The following IL1RAPL1 variants were observed in gnomAD, a reference collection of about 807,000 sequenced individuals.
IL1RAPL1 encodes the protein interleukin 1 receptor accessory protein like 1.
IL1RAPL1 carries 3 observed loss-of-function variants against 48.4 expected under a neutral mutation model. The ratio of observed to expected loss-of-function variants is 0.06; its 90% confidence interval spans 0.03 to 0.16. The LOEUF is 0.16. IL1RAPL1 is among the 10% of genes least tolerant of loss of function. The pLI, the probability that IL1RAPL1 is intolerant of heterozygous loss-of-function variation, is 1.00. For missense variants in IL1RAPL1, 349 were observed against 530.6 expected, an observed-to-expected ratio of 0.66 and a Z score of 3.36; for synonymous variants, 185 against 187.7, an observed-to-expected ratio of 0.99 and a Z score of 0.12.
intron 2 of IL1RAPL1, among the ~76,000 whole-genome samples, chrX:28,963,461 T>C (rs1394976952): frequency 1.8e-5 from 2 of 111,226 alleles, no homozygotes; most frequent in African/African-American, 6.5e-5. Flanking sequence ...GTAATTGATA[T>C]CAATAATTAA....
intron 5 of IL1RAPL1, among the ~76,000 whole-genome samples, chrX:29,494,783 T>C (rs1935196464): frequency 1.8e-5 from 2 of 112,389 alleles, no homozygotes; most frequent in Non-Finnish European, 3.8e-5. Flanking sequence ...CTTCTTTCAT[T>C]CTTAGGAAAA....
chrX:29,538,521 A>G (rs924225158), intron 5 of IL1RAPL1, among the ~76,000 whole-genome samples: 18 of 107,880 alleles, frequency 1.7e-4, no homozygotes, highest in African/African-American at 6.1e-4. Flanking sequence ...TATTTTTAGT[A>G]GAGACAGGGT....
intron 2 of IL1RAPL1, among the ~76,000 whole-genome samples, chrX:28,943,415 AATCT>A (rs1033177684): frequency 3.6e-5 from 4 of 110,286 alleles, no homozygotes; most frequent in Non-Finnish European, 7.6e-5. Context: ...ACATAAGAAT[AATCT>A]ATCAGTAATG....
intron 6 of IL1RAPL1, among the ~76,000 whole-genome samples, chrX:29,716,708 G>T (rs1342117282): frequency 2.7e-5 from 3 of 111,461 alleles, no homozygotes; most frequent in African/African-American, 9.8e-5. Context: ...ATTCCAAGTT[G>T]CCCAAGTCAC....
At chrX:29,475,756 G>A (rs1446760679) in intron 5 of IL1RAPL1, among the ~76,000 whole-genome samples, 1 of 111,140 alleles carries the variant, frequency 9.0e-6, no homozygotes, top group Non-Finnish European at 1.9e-5. Context: ...TTAAGACGAA[G>A]CGCTTATTTC....
intron 5 of IL1RAPL1, among the ~76,000 whole-genome samples, chrX:29,653,937 T>C (rs892895439): frequency 9.4e-5 from 10 of 105,887 alleles, no homozygotes; most frequent in African/African-American, 3.4e-4. Flanking sequence ...TATTTATTTA[T>C]TTATTTTTTG....
intron 5 of IL1RAPL1, among the ~76,000 whole-genome samples, chrX:29,493,080 T>A (rs1435100493): frequency 8.9e-6 from 1 of 112,167 alleles, no homozygotes; most frequent in Non-Finnish European, 1.9e-5. Flanking sequence ...TGCATTGCAC[T>A]ACTGAAGAAA....
In IL1RAPL1 at chrX:28,587,725, T is replaced by A. The variant is rs1933857560; in HGVS notation, c.-347T>A. On this transcript the variant is annotated 5_prime_UTR_variant, in exon 1 of 11. Coordinates refer to ENST00000378993, the MANE Select transcript of IL1RAPL1 (RefSeq NM_014271.4). ...TGCTCTCTCCTCTCTCAGTCTCTCC[T>A]TTTCTATCTGCCTCTTCATTTTTCT... is the stretch of plus-strand genomic sequence containing the variant. 9.7e-6 allele frequency: 1 copy of A among 103,408 alleles called. No homozygotes were observed. Among genetic ancestry groups the A allele is most frequent in the East Asian group, 3.1e-4 (1 of 3,186 alleles). 8.5% of individuals were successfully genotyped at this position (103,408 alleles called of 1,213,427 possible).
chrX:29,461,550 C>T (rs1934803026), intron 5 of IL1RAPL1, among the ~76,000 whole-genome samples: 1 of 111,391 alleles, frequency 9.0e-6, no homozygotes, highest in African/African-American at 3.3e-5. Context: ...TTTATACAAA[C>T]ACTTGTAATT....
At chrX:29,286,865 A>AT (rs1017377177) in intron 3 of IL1RAPL1, among the ~76,000 whole-genome samples, 1 of 110,727 alleles carries the variant, frequency 9.0e-6, no homozygotes, top group African/African-American at 3.3e-5. Flanking sequence ...TTGGCACCCT[A>AT]TTTTTAATTA....
chrX:28,910,344 A>T (rs1451501474), intron 2 of IL1RAPL1, among the ~76,000 whole-genome samples: 1 of 111,323 alleles, frequency 9.0e-6, no homozygotes, highest in South Asian at 3.7e-4. Flanking sequence ...TGATGTTAGT[A>T]ATATGTGAAA....
intron 3 of IL1RAPL1, among the ~76,000 whole-genome samples, chrX:29,329,193 A>G (rs1198996831): frequency 2.7e-5 from 3 of 111,404 alleles, no homozygotes; most frequent in Non-Finnish European, 3.8e-5. Flanking sequence ...ACACACACAA[A>G]TGATACAGAG....
chrX:29,199,162 TAA>T (rs781014070), intron 2 of IL1RAPL1, among the ~76,000 whole-genome samples: 3 of 111,927 alleles, frequency 2.7e-5, no homozygotes, highest in Non-Finnish European at 5.6e-5. Context: ...TCCACTACCA[TAA>T]AGAGATTGTT....
intron 2 of IL1RAPL1, among the ~76,000 whole-genome samples, chrX:28,990,058 G>T (rs1925565418): frequency 9.0e-6 from 1 of 110,903 alleles, no homozygotes; most frequent in Non-Finnish European, 1.9e-5. Flanking sequence ...ATTTTAATGT[G>T]CAGAACTTAC....
At chrX:29,889,827 G>A (rs775252791) in intron 6 of IL1RAPL1, among the ~76,000 whole-genome samples, 8 of 110,595 alleles carry the variant, frequency 7.2e-5, no homozygotes, top group African/African-American at 2.3e-4. Flanking sequence ...GTGGGTAGGA[G>A]CTCTTTACTC....
At chrX:28,667,626 A>C (rs1329016943) in intron 1 of IL1RAPL1, among the ~76,000 whole-genome samples, 1 of 112,128 alleles carries the variant, frequency 8.9e-6, no homozygotes, top group African/African-American at 3.2e-5. Context: ...TCTCCTGGTG[A>C]ATGATGTTCT....
chrX:29,288,255 G>A (rs991129177), intron 3 of IL1RAPL1, among the ~76,000 whole-genome samples: 1 of 110,637 alleles, frequency 9.0e-6, no homozygotes, highest in Non-Finnish European at 1.9e-5. Flanking sequence ...CATCACCTAG[G>A]TATTAAGTCC....
chrX:29,338,700 C>T lies in IL1RAPL1; in HGVS notation c.362+55483C>T, dbSNP rs188639385. Among the ~76,000 whole-genome samples, 554 of 111,113 alleles carry T rather than the reference C, an allele frequency of 5.0e-3. 2 individuals are homozygous for T. The highest frequency in any genetic ancestry group is 7.8e-3 in the Non-Finnish European group (415 of 53,025). ...CTCTCTCTGTGTCACTCTCCCTCAT[C>T]CCCTTCTTCTCTTCCTGTCTCTGTC... On this transcript the variant is annotated intron_variant, in intron 3 of 10. Coordinates refer to ENST00000378993, the MANE Select transcript of IL1RAPL1 (RefSeq NM_014271.4).
chrX:29,726,437 C>CTCAA (rs1433744913), intron 6 of IL1RAPL1, among the ~76,000 whole-genome samples: 6 of 111,777 alleles, frequency 5.4e-5, no homozygotes, highest in African/African-American at 9.7e-5. Flanking sequence ...AGTATTTGTA[C>CTCAA]TCAATCAGTT....
Sources: allele counts gnomAD v4.1 joint callset (sites outside exome capture counted in the v4.1 genomes callset), GRCh38; gene constraint gnomAD v4.1.1; transcripts MANE v1.5; gene names NCBI Gene and HGNC (gene_info 2026-07-23, HGNC 2026-07-21).